Variants in HMGXB3 observed in about 807,000 individuals in gnomAD.
HMGXB3 encodes the protein HMG-box containing 3.
In HMGXB3, 45 loss-of-function variants were observed where a neutral mutation model predicts 121.5. The observed-to-expected ratio is 0.37, with a 90% CI of 0.29 to 0.47. The LOEUF (loss-of-function observed/expected upper bound fraction) is 0.47. Among genes scored for constraint, HMGXB3 ranks in the 20% least tolerant of loss-of-function variants. HMGXB3 has a pLI of 0.99. For missense variants in HMGXB3, 1,376 were observed against 1,602.2 expected, an observed-to-expected ratio of 0.86 and a Z score of 2.41; for synonymous variants, 590 against 624.1, an observed-to-expected ratio of 0.95 and a Z score of 0.81.
In HMGXB3 at chr5:150,001,131, G is replaced by T. The variant is rs1310269847; in HGVS notation, c.-51G>T. ...GCCATCCCCCTCGTCCAGCCGCCGGGCCAAGCGCCTCCGGGAATGTGAGCG... is the reference window on the plus strand; with the variant it reads ...GCCATCCCCCTCGTCCAGCCGCCGGTCCAAGCGCCTCCGGGAATGTGAGCG... On this transcript the variant is annotated 5_prime_UTR_variant, in exon 1 of 20. Coordinates refer to ENST00000502717, the MANE Select transcript of HMGXB3 (RefSeq NM_014983.3). 6.5e-6 allele frequency: 1 copy of T among 153,888 alleles called. No individual in the cohort carries two copies. Among genetic ancestry groups the T allele is most frequent in the African/African-American group, 2.4e-5 (1 of 41,522 alleles). The allele number at this position is 153,888 out of a possible 1,614,324, so 9.5% of individuals were successfully genotyped here.
At position 150,050,254 on chromosome 5, in the gene HMGXB3, G is replaced by A; in HGVS notation, c.3204G>A (p.Val1068=). Residue 1068 remains valine, a splice_region_variant and synonymous_variant, in exon 19 of 20, where the codon GTG becomes GTA. Transcript: ENST00000502717. ...GCCCCCCACCCTTCATCTCCCAGGT[G>A]GTCTGCGGCTCCAAGTATCTTGTGC... ...GKIYKVCPHQ[V]VCGSKYLVRG... 1 of 1,551,764 alleles carries A rather than the reference G, an allele frequency of 6.4e-7. No homozygotes were observed. Among genetic ancestry groups the A allele is most frequent in the Non-Finnish European group, 8.7e-7 (1 of 1,146,928 alleles).
In HMGXB3 at chr5:150,052,497, G is replaced by A; in HGVS notation, c.*305G>A. The A allele has an allele frequency of 8.3e-6, 3 of 362,154 alleles. No individual in the cohort carries two copies. In the South Asian group the frequency reaches 1.2e-4, roughly 15 times the overall value. The allele number at this position is 362,154 out of a possible 1,614,324, so 22.4% of individuals were successfully genotyped here. ...GGCTCGTAGCTGGTGGGTTCCGTGGGGCCTGCGGTGTGGGTCAGGGTGGAG... is the reference window on the plus strand; with the variant it reads ...GGCTCGTAGCTGGTGGGTTCCGTGGAGCCTGCGGTGTGGGTCAGGGTGGAG... On this transcript the variant is annotated 3_prime_UTR_variant, in exon 20 of 20. Coordinates refer to ENST00000502717, the MANE Select transcript of HMGXB3 (RefSeq NM_014983.3).
At chr5:150,028,168 CAA>C (rs1756277335) in intron 9 of HMGXB3, among the ~76,000 whole-genome samples, 1 of 152,014 alleles carries the variant, frequency 6.6e-6, no homozygotes, top group Non-Finnish European at 1.5e-5. Context: ...CAGGAAGACT[CAA>C]AGCAGGGAGG....
At position 150,012,308 on chromosome 5, in the gene HMGXB3, T is replaced by C. The variant is rs764708105; in HGVS notation, c.864T>C (p.Pro288=). 86 of 1,552,244 alleles carry C rather than the reference T, an allele frequency of 5.5e-5. No homozygotes were observed. The highest frequency in any genetic ancestry group is 2.2e-4 in the Admixed American group (11 of 50,996). The change falls in exon 5 of 20, where the codon CCT becomes CCC. Residue 288 remains proline (P), a synonymous_variant. Coordinates refer to ENST00000502717, the MANE Select transcript of HMGXB3 (RefSeq NM_014983.3). The part of the protein sequence containing the change: ...SAPATQFIML[P]LPAYSVVENP... Reference sequence around the variant, plus strand: ...CAGCCACACAGTTCATCATGTTGCCTCTGCCTGCCTACTCGGTTGTGGAGA... The same window carrying C: ...CAGCCACACAGTTCATCATGTTGCCCCTGCCTGCCTACTCGGTTGTGGAGA...
At chr5:150,049,108 GA>G in intron 18 of HMGXB3, among the ~76,000 whole-genome samples, 1 of 152,304 alleles carries the variant, frequency 6.6e-6, no homozygotes, top group African/African-American at 2.4e-5. Flanking sequence ...GCAGGATAGG[GA>G]GGAGCCCATT....
intron 19 of HMGXB3, among the ~76,000 whole-genome samples, chr5:150,051,064 A>T (rs1756876020): frequency 6.6e-6 from 1 of 152,182 alleles, no homozygotes; most frequent in Admixed American, 6.5e-5. Flanking sequence ...CACTCATCTT[A>T]TCCAACCCTC....
At chr5:150,010,729 T>TA (rs1755811295) in intron 4 of HMGXB3, 121 bp downstream of exon 4, 2 of 959,370 alleles carry the variant, frequency 2.1e-6, no homozygotes, top group Admixed American at 2.8e-5. Flanking sequence ...CACTTACTGA[T>TA]ACTGCAGTTC....
chr5:150,032,757 G>A (rs560499070), intron 11 of HMGXB3, among the ~76,000 whole-genome samples, 154 bp downstream of exon 11: 3 of 152,220 alleles, frequency 2.0e-5, no homozygotes, highest in South Asian at 4.2e-4. Flanking sequence ...AGCAAGTGCC[G>A]CCTTTTCTCT....
At chr5:150,013,382 A>G (rs1431319280) in intron 5 of HMGXB3, among the ~76,000 whole-genome samples, 4 of 152,182 alleles carry the variant, frequency 2.6e-5, no homozygotes, top group Non-Finnish European at 4.4e-5. Flanking sequence ...GAATTTCACT[A>G]TTACTCAAAT....
chr5:150,043,654 A>G (rs1756690524), intron 15 of HMGXB3, among the ~76,000 whole-genome samples: 1 of 152,240 alleles, frequency 6.6e-6, no homozygotes, highest in Non-Finnish European at 1.5e-5. Context: ...TAGTGTTAAT[A>G]ATAATGCAGC....
Position 150,024,579 on chromosome 5 carries a change from T to C in HMGXB3, c.1359T>C (p.Thr453=), listed in dbSNP as rs1287218308. 2 of 1,551,724 alleles carry C rather than the reference T, an allele frequency of 1.3e-6. No homozygotes were observed. Among genetic ancestry groups the C allele is most frequent in the Admixed American group, 3.9e-5 (2 of 51,010 alleles). Residue 453 remains threonine, a synonymous_variant, in exon 7 of 20, where the codon ACT becomes ACC. Coordinates refer to ENST00000502717, the MANE Select transcript of HMGXB3 (RefSeq NM_014983.3). The part of the protein sequence containing the change: ...VVKSGVQPEV[T]LGTTDNDSPG... Reference sequence around the variant, plus strand: ...AAAGTGGTGTGCAGCCTGAGGTCACTCTGGGGACAACTGACAATGACAGTC... The same window carrying C: ...AAAGTGGTGTGCAGCCTGAGGTCACCCTGGGGACAACTGACAATGACAGTC...
chr5:150,039,872 G>A (rs1349990796), intron 13 of HMGXB3, among the ~76,000 whole-genome samples: 1 of 152,180 alleles, frequency 6.6e-6, no homozygotes, highest in African/African-American at 2.4e-5. Context: ...TCCAAAATTT[G>A]CTTTTGTGCA....
intron 7 of HMGXB3, among the ~76,000 whole-genome samples, chr5:150,025,486 T>G (rs1199538703): frequency 1.4e-5 from 2 of 147,512 alleles, no homozygotes; most frequent in Admixed American, 1.4e-4. Flanking sequence ...TGTGTGTGTG[T>G]GTATATATAT....
chr5:150,010,095 G>T lies in HMGXB3; in HGVS notation c.313-16G>T, dbSNP rs763729987. 9 of 1,543,526 alleles carry T rather than the reference G, an allele frequency of 5.8e-6. No homozygotes were observed. The highest frequency in any genetic ancestry group is 1.7e-4 in the Middle Eastern group (1 of 5,946). ...ATCTCTGCTTGTCTCCCCCTTCCTG[G>T]CTTCCTCATCCTCAGAACTCTAAGC... On this transcript the variant is annotated splice_polypyrimidine_tract_variant and intron_variant, in intron 3 of 19. Transcript: ENST00000502717.
At position 150,004,876 on chromosome 5, in the gene HMGXB3, T is replaced by A. The variant is rs1446717695; in HGVS notation, c.24T>A (p.Thr8=). 2.6e-6 allele frequency: 4 copies of A among 1,551,448 alleles called. No individual in the cohort carries two copies. In the East Asian group the frequency reaches 7.3e-5, roughly 28 times the overall value. ...CCATGGACGCATCATATGATGGTACTGAGGTAACTGTCGTGATGGAGGAAA... is the reference window on the plus strand; with the variant it reads ...CCATGGACGCATCATATGATGGTACAGAGGTAACTGTCGTGATGGAGGAAA... MDASYDG[T]EVTVVMEEIE... is the part of the protein sequence containing the mutation. Residue 8 remains threonine, a synonymous_variant, in exon 2 of 20, where the codon ACT becomes ACA. Coordinates refer to ENST00000502717, the MANE Select transcript of HMGXB3 (RefSeq NM_014983.3).
At chr5:150,042,291 A>G (rs1756652992) in intron 15 of HMGXB3, among the ~76,000 whole-genome samples, 1 of 152,242 alleles carries the variant, frequency 6.6e-6, no homozygotes, top group Non-Finnish European at 1.5e-5. Context: ...TTCTGTCCTC[A>G]TGGAGCTCAC....
chr5:150,008,065 A>T (rs1003616694), intron 3 of HMGXB3, among the ~76,000 whole-genome samples: 35 of 145,512 alleles, frequency 2.4e-4, no homozygotes, highest in African/African-American at 6.9e-4. Context: ...TCACACACAC[A>T]CACACACACA....
In HMGXB3 at chr5:150,052,594, G is replaced by A. The variant is rs1432040399; in HGVS notation, c.*402G>A. ...TGCTGAGGTCTCTCCCACCCCTGAG[G>A]AGCCCTGGTTTCAGCCCCCTCAGTC... On this transcript the variant is annotated 3_prime_UTR_variant, in exon 20 of 20. Transcript: ENST00000502717. 5.2e-6 allele frequency: 1 copy of A among 192,700 alleles called. No individual in the cohort carries two copies. The highest frequency in any genetic ancestry group is 2.3e-5 in the African/African-American group (1 of 43,032). The allele number at this position is 192,700 out of a possible 1,614,324, so 11.9% of individuals were successfully genotyped here. A position where few individuals can be genotyped will look rare whatever the true frequency, so the allele number is the denominator to read the frequency against.
chr5:150,022,617 T>C (rs141176101), intron 6 of HMGXB3, among the ~76,000 whole-genome samples: 15 of 152,310 alleles, frequency 9.8e-5, no homozygotes, highest in South Asian at 2.1e-4. Flanking sequence ...TAGTAGGCAG[T>C]GTTTGCTCAA....
Sources: gnomAD v4.1 joint callset for allele counts (sites outside exome capture counted in the v4.1 genomes callset) on GRCh38, gnomAD v4.1.1 for gene constraint, MANE v1.5 for transcripts, NCBI Gene and HGNC (gene_info 2026-07-23, HGNC 2026-07-21) for gene names.